The following SUPT3H variants were observed in gnomAD, a reference collection of about 807,000 sequenced individuals.
SUPT3H encodes transcription initiation protein SPT3 homolog.
SUPT3H carries 44 observed loss-of-function variants against 44.3 expected under a neutral mutation model. That is an observed-to-expected ratio of 0.99 (90% CI 0.78 to 1.28). SUPT3H has a LOEUF of 1.28. Ranked by LOEUF, SUPT3H falls within the 50% of genes most tolerant of loss-of-function variation. SUPT3H has a pLI of 0.00. For synonymous variants in SUPT3H, 124 were observed against 125.6 expected, an observed-to-expected ratio of 0.99 and a Z score of 0.09; for missense variants, 380 against 387.1, an observed-to-expected ratio of 0.98 and a Z score of 0.15.
At chr6:44,836,771 A>G (rs1769991388) in intron 10 of SUPT3H, among the ~76,000 whole-genome samples, 1 of 152,196 alleles carries the variant, frequency 6.6e-6, no homozygotes, top group Non-Finnish European at 1.5e-5. Context: ...TAATAAATAC[A>G]ACATTGTATT....
chr6:45,100,086 A>C (rs1798338774), intron 3 of SUPT3H, among the ~76,000 whole-genome samples: 1 of 152,138 alleles, frequency 6.6e-6, no homozygotes, highest in Non-Finnish European at 1.5e-5. Flanking sequence ...CAAAAAATCA[A>C]CTCAAAATGA....
chr6:45,338,362 G>A (rs1789037766), intron 2 of SUPT3H, among the ~76,000 whole-genome samples: 1 of 151,706 alleles, frequency 6.6e-6, no homozygotes, highest in Non-Finnish European at 1.5e-5. Flanking sequence ...AAAAATTATA[G>A]GCAACTTCTC....
At chr6:45,188,417 T>A (rs1029886605) in intron 2 of SUPT3H, among the ~76,000 whole-genome samples, 11 of 152,222 alleles carry the variant, frequency 7.2e-5, no homozygotes, top group African/African-American at 2.7e-4. Flanking sequence ...CAATGCATGA[T>A]AAGTGCTTAG....
At chr6:45,268,119 G>A (rs1308288498) in intron 2 of SUPT3H, among the ~76,000 whole-genome samples, 1 of 152,096 alleles carries the variant, frequency 6.6e-6, no homozygotes, top group African/African-American at 2.4e-5. Flanking sequence ...AATCATTAAG[G>A]TAAACACATC....
At chr6:44,886,879 C>T (rs1469311931) in intron 10 of SUPT3H, among the ~76,000 whole-genome samples, 1 of 152,188 alleles carries the variant, frequency 6.6e-6, no homozygotes, top group Non-Finnish European at 1.5e-5. Flanking sequence ...ACCCATCTCA[C>T]ATGCGGAGAC....
At chr6:45,006,261 G>A (rs898853117) in intron 5 of SUPT3H, among the ~76,000 whole-genome samples, 1 of 151,930 alleles carries the variant, frequency 6.6e-6, no homozygotes, top group African/African-American at 2.4e-5. Flanking sequence ...ATGTCTCAAT[G>A]TAAGAATTTA....
intron 4 of SUPT3H, among the ~76,000 whole-genome samples, chr6:45,017,280 T>A (rs1319399871): frequency 2.0e-5 from 3 of 149,906 alleles, no homozygotes; most frequent in African/African-American, 7.3e-5. Flanking sequence ...GAAAATTTTC[T>A]CCCATTTTGT....
At chr6:45,070,693 C>G (rs911037431) in intron 3 of SUPT3H, among the ~76,000 whole-genome samples, 1 of 139,326 alleles carries the variant, frequency 7.2e-6, no homozygotes, top group African/African-American at 2.7e-5. Context: ...TGAGATTGCA[C>G]CACTGCACTC....
chr6:44,983,830 TTC>T (rs957680790), intron 6 of SUPT3H, among the ~76,000 whole-genome samples: 9 of 152,218 alleles, frequency 5.9e-5, no homozygotes, highest in African/African-American at 2.4e-5. Flanking sequence ...ACACTTTACT[TTC>T]TCTCTGTCAT....
intron 2 of SUPT3H, among the ~76,000 whole-genome samples, chr6:45,275,305 T>A (rs1432125037): frequency 6.6e-6 from 1 of 152,222 alleles, no homozygotes; most frequent in Non-Finnish European, 1.5e-5. Flanking sequence ...AGTTTTTCAA[T>A]ATTCATTCAT....
At chr6:45,259,092 CT>C (rs748922945) in intron 2 of SUPT3H, among the ~76,000 whole-genome samples, 3 of 152,016 alleles carry the variant, frequency 2.0e-5, no homozygotes, top group Non-Finnish European at 4.4e-5. Context: ...TAATTTTATA[CT>C]TGTAAATTAG....
chr6:45,130,720 T>TG (rs1803334947), intron 2 of SUPT3H, among the ~76,000 whole-genome samples: 1 of 141,598 alleles, frequency 7.1e-6, no homozygotes, highest in African/African-American at 2.6e-5. Context: ...CACTTTTTTT[T>TG]TTTTTTTTTT....
chr6:45,162,071 T>G (rs1188887016), intron 2 of SUPT3H, among the ~76,000 whole-genome samples: 1 of 151,896 alleles, frequency 6.6e-6, no homozygotes, highest in Non-Finnish European at 1.5e-5. Context: ...CTGACAAAGG[T>G]AATGCCACAG....
chr6:44,901,136 G>A (rs1410939282), intron 10 of SUPT3H, among the ~76,000 whole-genome samples: 6 of 147,356 alleles, frequency 4.1e-5, no homozygotes, highest in Non-Finnish European at 7.7e-5. Context: ...CCAAAGGAAC[G>A]CAGCTCCTCA....
chr6:45,295,524 CAAAAAAAAA>C (rs752887669), intron 2 of SUPT3H, among the ~76,000 whole-genome samples: 3 of 40,060 alleles, frequency 7.5e-5, no homozygotes, highest in African/African-American at 2.6e-4. Context: ...TTTTGCACAG[CAAAAAAAAA>C]AAAAAAAAAA....
chr6:45,264,461 A>G (rs1306164730), intron 2 of SUPT3H, among the ~76,000 whole-genome samples: 2 of 152,116 alleles, frequency 1.3e-5, no homozygotes, highest in African/African-American at 4.8e-5. Flanking sequence ...GGAGTTCAAG[A>G]CCAGCCTGGC....
intron 2 of SUPT3H, among the ~76,000 whole-genome samples, chr6:45,230,807 G>A (rs1330453418): frequency 1.3e-5 from 2 of 150,902 alleles, no homozygotes; most frequent in African/African-American, 2.4e-5. Flanking sequence ...TGAGCAGCTG[G>A]GATTACAAGC....
intron 2 of SUPT3H, among the ~76,000 whole-genome samples, chr6:45,224,396 A>G (rs2153636895): frequency 6.6e-6 from 1 of 152,272 alleles, no homozygotes; most frequent in South Asian, 2.1e-4. Flanking sequence ...CCACCTACAT[A>G]CTGAGTTTAC....
chr6:45,206,309 C>T (rs1204420117), intron 2 of SUPT3H, among the ~76,000 whole-genome samples: 1 of 152,008 alleles, frequency 6.6e-6, no homozygotes, highest in Non-Finnish European at 1.5e-5. Context: ...ACTGCTATTT[C>T]AAATATGGCG....
Sources: allele counts gnomAD v4.1 joint callset (sites outside exome capture counted in the v4.1 genomes callset), GRCh38; gene constraint gnomAD v4.1.1; transcripts MANE v1.5; gene names NCBI Gene and HGNC (gene_info 2026-07-23, HGNC 2026-07-21).